Variants in FBXL7 observed in about 807,000 individuals in gnomAD.
FBXL7 encodes the protein F-box/LRR-repeat protein 7.
FBXL7 carries 12 observed loss-of-function variants against 38.3 expected under a neutral mutation model. The ratio of observed to expected loss-of-function variants is 0.31; its 90% confidence interval spans 0.20 to 0.51. FBXL7 has a LOEUF of 0.51. Among genes scored for constraint, FBXL7 ranks in the 20% least tolerant of loss-of-function variants. The pLI is 0.98. For synonymous variants in FBXL7, 297 were observed against 300.9 expected (o/e 0.99, Z 0.13); for missense variants, 567 against 676.4 (o/e 0.84, Z 1.79).
intron 2 of FBXL7, among the ~76,000 whole-genome samples, chr5:15,702,180 A>G (rs1389510446): frequency 2.6e-5 from 4 of 151,250 alleles, no homozygotes; most frequent in Admixed American, 6.6e-5. Flanking sequence ...GGAGGTTGCC[A>G]TGATCCGAGA....
chr5:15,544,309 C>T (rs1342159534), intron 1 of FBXL7, among the ~76,000 whole-genome samples: 1 of 152,220 alleles, frequency 6.6e-6, no homozygotes, highest in Non-Finnish European at 1.5e-5. Context: ...GTTAGATTGC[C>T]CTTGCTTATC....
At chr5:15,580,755 T>C (rs560578175) in intron 1 of FBXL7, 1 of 985,376 alleles carries the variant, frequency 1.0e-6, no homozygotes, top group East Asian at 1.1e-4. Flanking sequence ...TCCCTCCTGG[T>C]GTGTGTTTCC....
At chr5:15,526,625 C>T (rs769407414) in intron 1 of FBXL7, among the ~76,000 whole-genome samples, 4 of 152,078 alleles carry the variant, frequency 2.6e-5, no homozygotes, top group East Asian at 3.9e-4. Flanking sequence ...CTTGCTGTTC[C>T]GCTAGAGGGA....
chr5:15,916,158 C>T (rs189002451), intron 2 of FBXL7, among the ~76,000 whole-genome samples: 2 of 152,258 alleles, frequency 1.3e-5, no homozygotes, highest in African/African-American at 4.8e-5. Context: ...CCATAGAACT[C>T]CATGGAATCA....
At chr5:15,686,827 T>A (rs1301220337) in intron 2 of FBXL7, among the ~76,000 whole-genome samples, 1 of 152,174 alleles carries the variant, frequency 6.6e-6, no homozygotes, top group Non-Finnish European at 1.5e-5. Flanking sequence ...TAAGTTTCAA[T>A]GGATTGGACC....
intron 1 of FBXL7, among the ~76,000 whole-genome samples, chr5:15,572,387 T>TA (rs61523559): frequency 7.3e-3 from 805 of 110,496 alleles, no homozygotes; most frequent in African/African-American, 0.014. Context: ...TGGTTTCTGC[T>TA]AAAAAAAAAA....
chr5:15,895,195 A>G (rs1042073888), intron 2 of FBXL7, among the ~76,000 whole-genome samples: 1 of 152,206 alleles, frequency 6.6e-6, no homozygotes, highest in Admixed American at 6.5e-5. Context: ...CTATGTTTGG[A>G]AAGATATATA....
intron 2 of FBXL7, among the ~76,000 whole-genome samples, chr5:15,814,792 A>G (rs2126757301): frequency 6.6e-6 from 1 of 152,310 alleles, no homozygotes; most frequent in Non-Finnish European, 1.5e-5. Flanking sequence ...TGCTGAAAAC[A>G]AAAACTGAAA....
chr5:15,538,043 G>C (rs768291791), intron 1 of FBXL7, among the ~76,000 whole-genome samples: 1 of 152,208 alleles, frequency 6.6e-6, no homozygotes, highest in Non-Finnish European at 1.5e-5. Flanking sequence ...ATCAGTACCA[G>C]TCAAATCAGA....
chr5:15,770,600 T>A (rs1736705043), intron 2 of FBXL7, among the ~76,000 whole-genome samples: 1 of 152,204 alleles, frequency 6.6e-6, no homozygotes, highest in Non-Finnish European at 1.5e-5. Context: ...ATTTAAACTC[T>A]TACTAGTTTA....
At chr5:15,838,879 G>C (rs1269387144) in intron 2 of FBXL7, among the ~76,000 whole-genome samples, 1 of 151,966 alleles carries the variant, frequency 6.6e-6, no homozygotes, top group East Asian at 1.9e-4. Flanking sequence ...CTTTAAAGTT[G>C]TTATCTTTAC....
intron 3 of FBXL7, among the ~76,000 whole-genome samples, chr5:15,934,051 C>G (rs1023828060): frequency 6.6e-6 from 1 of 152,158 alleles, no homozygotes; most frequent in African/African-American, 2.4e-5. Flanking sequence ...GTCACCTAGG[C>G]TGGAGTGCAG....
chr5:15,588,752 T>C (rs1289158998), intron 1 of FBXL7, among the ~76,000 whole-genome samples: 1 of 152,194 alleles, frequency 6.6e-6, no homozygotes, highest in African/African-American at 2.4e-5. Flanking sequence ...TTAACTTTCT[T>C]CCCAATTGTA....
intron 1 of FBXL7, among the ~76,000 whole-genome samples, chr5:15,589,691 A>G (rs1192625069): frequency 3.3e-5 from 5 of 152,200 alleles, no homozygotes; most frequent in Non-Finnish European, 7.4e-5. Flanking sequence ...GGAAGTTATT[A>G]TCTTAAGAAG....
chr5:15,591,186 T>C (rs1247207491), intron 1 of FBXL7, among the ~76,000 whole-genome samples: 1 of 152,000 alleles, frequency 6.6e-6, no homozygotes. Flanking sequence ...TCCCAGCACT[T>C]TGGGAGGCCG....
At chr5:15,558,135 A>G (rs2126432935) in intron 1 of FBXL7, among the ~76,000 whole-genome samples, 1 of 152,328 alleles carries the variant, frequency 6.6e-6, no homozygotes, top group South Asian at 2.1e-4. Flanking sequence ...AAAAATGGCT[A>G]GAATCACATG....
chr5:15,891,277 C>T (rs1740892021), intron 2 of FBXL7, among the ~76,000 whole-genome samples: 1 of 152,160 alleles, frequency 6.6e-6, no homozygotes, highest in Non-Finnish European at 1.5e-5. Context: ...CAAGCCTAAC[C>T]TAGGGACAGT....
chr5:15,700,205 A>G (rs906430868), intron 2 of FBXL7, among the ~76,000 whole-genome samples: 1 of 152,196 alleles, frequency 6.6e-6, no homozygotes, highest in Non-Finnish European at 1.5e-5. Flanking sequence ...TTGAAGTGGA[A>G]CTAAAATGTA....
chr5:15,732,062 T>G (rs1735601913), intron 2 of FBXL7, among the ~76,000 whole-genome samples: 1 of 152,256 alleles, frequency 6.6e-6, no homozygotes, highest in Non-Finnish European at 1.5e-5. Flanking sequence ...GGAGCTGTTT[T>G]GCCCATGATA....
Sources: gnomAD v4.1 joint callset for allele counts (sites outside exome capture counted in the v4.1 genomes callset) on GRCh38, gnomAD v4.1.1 for gene constraint, MANE v1.5 for transcripts, NCBI Gene and HGNC (gene_info 2026-07-23, HGNC 2026-07-21) for gene names.